Variants in HECW1 observed in about 807,000 individuals in gnomAD.
The protein encoded by HECW1 is E3 ubiquitin-protein ligase HECW1.
In HECW1, 61 loss-of-function variants were observed where a neutral mutation model predicts 182.3. That is an observed-to-expected ratio of 0.33 (90% CI 0.27 to 0.41). The LOEUF is 0.41. HECW1 is among the 10% of genes least tolerant of loss of function. The pLI is 1.00. For missense variants in HECW1, 1,739 were observed against 2,108.9 expected (o/e 0.82, Z 3.44); for synonymous variants, 859 against 832.6 (o/e 1.03, Z -0.55).
Position 43,114,256 on chromosome 7 carries a change from T to C in HECW1, c.-167T>C, listed in dbSNP as rs776361371. ...CTCTTTTCCTGGGATTTAAACGCGA[T>C]TTAGGAGGGCAGATGCCCTACCCGA... is the stretch of plus-strand genomic sequence containing the variant. On this transcript the variant is annotated 5_prime_UTR_variant, in exon 2 of 30. Coordinates refer to ENST00000395891, the MANE Select transcript of HECW1 (RefSeq NM_015052.5). 6.6e-5 allele frequency: 90 copies of C among 1,363,742 alleles called. No individual in the cohort carries two copies. The South Asian group carries it at 1.1e-3, about 16-fold the overall frequency. The allele number at this position is 1,363,742 out of a possible 1,614,324, so 84.5% of individuals were successfully genotyped here.
intron 2 of HECW1, among the ~76,000 whole-genome samples, chr7:43,124,834 T>G (rs950302160): frequency 6.6e-6 from 1 of 152,168 alleles, no homozygotes; most frequent in Admixed American, 6.5e-5. Context: ...TTAAGATTTT[T>G]TTTCTCACTC....
intron 6 of HECW1, among the ~76,000 whole-genome samples, chr7:43,378,833 G>A (rs1173057216): frequency 6.6e-6 from 1 of 151,664 alleles, no homozygotes; most frequent in Non-Finnish European, 1.5e-5. Context: ...AAAAGAAGGA[G>A]GCAATGTCAG....
chr7:43,401,218 C>T (rs1006756693), intron 7 of HECW1, among the ~76,000 whole-genome samples: 3 of 152,132 alleles, frequency 2.0e-5, no homozygotes, highest in African/African-American at 7.2e-5. Flanking sequence ...CTAAAAAGTA[C>T]AATCACAGAA....
At chr7:43,151,086 G>T (rs1293116325) in intron 2 of HECW1, 1 of 153,488 alleles carries the variant, frequency 6.5e-6, no homozygotes, top group African/African-American at 2.4e-5. Flanking sequence ...ACTTCTCCTG[G>T]CACCTACAGC....
At chr7:43,325,173 G>C (rs764800371) in intron 5 of HECW1, among the ~76,000 whole-genome samples, 12 of 152,154 alleles carry the variant, frequency 7.9e-5, no homozygotes, top group African/African-American at 1.2e-4. Context: ...CTGGCTATTT[G>C]ACCATAGTGT....
intron 6 of HECW1, among the ~76,000 whole-genome samples, chr7:43,362,420 A>G (rs1816079447): frequency 1.3e-5 from 2 of 152,276 alleles, no homozygotes; most frequent in East Asian, 1.9e-4. Flanking sequence ...GGAGAGGCAC[A>G]TGTGCTTTTG....
intron 3 of HECW1, among the ~76,000 whole-genome samples, chr7:43,297,155 C>T (rs1806153774): frequency 6.6e-6 from 1 of 152,168 alleles, no homozygotes; most frequent in South Asian, 2.1e-4. Flanking sequence ...GACCTGAGAA[C>T]AGAGATCATA....
At chr7:43,163,156 G>T (rs1790735926) in intron 2 of HECW1, 1 of 152,266 alleles carries the variant, frequency 6.6e-6, no homozygotes. Context: ...TCCCATCTGT[G>T]CAAACCACTC....
At chr7:43,508,893 C>T (rs2079721680) in intron 23 of HECW1, 76 bp from the exon 24 acceptor site, 6 of 1,524,096 alleles carry the variant, frequency 3.9e-6, no homozygotes, top group East Asian at 4.5e-5. Flanking sequence ...AAAGGGCACA[C>T]TAGAATCTGG....
intron 2 of HECW1, among the ~76,000 whole-genome samples, chr7:43,155,962 C>G (rs1442896678): frequency 2.0e-5 from 3 of 152,202 alleles, no homozygotes; most frequent in African/African-American, 4.8e-5. Flanking sequence ...TCACTAGTGT[C>G]TTTCTTTGTT....
intron 2 of HECW1, among the ~76,000 whole-genome samples, chr7:43,160,297 A>T (rs1790396081): frequency 6.6e-6 from 1 of 151,768 alleles, no homozygotes; most frequent in Non-Finnish European, 1.5e-5. Flanking sequence ...ATTTTTGTTA[A>T]TTTTTTTTAT....
At chr7:43,325,804 G>A (rs569723290) in intron 5 of HECW1, among the ~76,000 whole-genome samples, 37 of 152,108 alleles carry the variant, frequency 2.4e-4, no homozygotes, top group African/African-American at 8.4e-4. Flanking sequence ...CTTGCCCCTC[G>A]TTTCCTCGTG....
chr7:43,263,732 G>A (rs1480866383), intron 3 of HECW1, among the ~76,000 whole-genome samples: 2 of 152,078 alleles, frequency 1.3e-5, no homozygotes, highest in Middle Eastern at 3.2e-3. Context: ...GGAGGAAGGT[G>A]GGAAGGAGAC....
rs1295124284 is a variant in HECW1, at chr7:43,374,556, CGAGGTCAGGAG to C, written c.555+13577_555+13587del. 2.7e-4 allele frequency among the ~76,000 whole-genome samples: 14 copies of C among 51,904 alleles called. 2 individuals are homozygous for C. The highest frequency in any genetic ancestry group is 6.0e-4 in the African/African-American group (3 of 5,024). The allele number at this position is 51,904 out of a possible 152,430, so 34.1% of individuals were successfully genotyped here. On this transcript the variant is annotated intron_variant, in intron 6 of 29. Transcript: ENST00000395891. The stretch of plus-strand genomic sequence containing the variant: ...TTGGGAGGCCGAGGCGGGCGGATCA[CGAGGTCAGGAG>C]ATCGAGACCATCCCGGCTAAAACGG...
At chr7:43,321,865 C>T (rs909876918) in intron 5 of HECW1, among the ~76,000 whole-genome samples, 3 of 152,160 alleles carry the variant, frequency 2.0e-5, no homozygotes, top group African/African-American at 4.8e-5. Flanking sequence ...AGATGAAAGT[C>T]CTGGTGTCTG....
Position 43,565,147 on chromosome 7 carries a change from G to A in HECW1, c.*3221G>A. 5.0e-6 allele frequency: 1 copy of A among 200,578 alleles called. No homozygotes were observed. The highest frequency in any genetic ancestry group is 1.0e-5 in the Non-Finnish European group (1 of 97,426). 12.4% of individuals were successfully genotyped at this position (200,578 alleles called of 1,614,324 possible). A position where few individuals can be genotyped will look rare whatever the true frequency, so the allele number is the denominator to read the frequency against. On this transcript the variant is annotated 3_prime_UTR_variant, in exon 30 of 30. Transcript: ENST00000395891. ...GTGTGAAGATGATAATCCTAAAAATGGAAATTGATTCTGTGAGGTCAGGAG... is the reference window on the plus strand; with the variant it reads ...GTGTGAAGATGATAATCCTAAAAATAGAAATTGATTCTGTGAGGTCAGGAG...
At chr7:43,121,024 T>C (rs1257819117) in intron 2 of HECW1, among the ~76,000 whole-genome samples, 1 of 152,148 alleles carries the variant, frequency 6.6e-6, no homozygotes, top group Non-Finnish European at 1.5e-5. Context: ...CCTCTGAGCA[T>C]ATATCTTCCC....
rs1051999324 is a variant in HECW1 at position 43,256,731 on chromosome 7, TGATAA to T, written c.27+12806_27+12810del. On this transcript the variant is annotated intron_variant, in intron 3 of 29. Coordinates refer to ENST00000395891, the MANE Select transcript of HECW1 (RefSeq NM_015052.5). Reference sequence around the variant, plus strand: ...ATTAGCTTAATGTGTGCCAAGGGAGTGATAAGATAAGTAAAAGCTACTTCACTAAA... The same window carrying T: ...ATTAGCTTAATGTGTGCCAAGGGAGTGATAAGTAAAAGCTACTTCACTAAA... 2.0e-4 allele frequency among the ~76,000 whole-genome samples: 31 copies of T among 151,380 alleles called. 1 individual carries two copies. The highest frequency in any genetic ancestry group is 1.6e-3 in the Admixed American group (25 of 15,178).
chr7:43,453,603 G>A (rs1562998607), intron 12 of HECW1, among the ~76,000 whole-genome samples: 1 of 152,174 alleles, frequency 6.6e-6, no homozygotes, highest in Non-Finnish European at 1.5e-5. Flanking sequence ...TGTTAAAATT[G>A]TTCAAAATAC....
Sources: allele counts gnomAD v4.1 joint callset (sites outside exome capture counted in the v4.1 genomes callset), GRCh38; gene constraint gnomAD v4.1.1; transcripts MANE v1.5; gene names NCBI Gene and HGNC (gene_info 2026-07-23, HGNC 2026-07-21).